The following SLC7A6 variants were observed in gnomAD, a reference collection of about 807,000 sequenced individuals.
SLC7A6 encodes the protein solute carrier family 7 member 6.
A neutral mutation model predicts 46.6 loss-of-function variants in SLC7A6; 29 were observed. The ratio of observed to expected loss-of-function variants is 0.62; its 90% CI spans 0.46 to 0.85. The LOEUF is 0.85. Among genes scored for constraint, SLC7A6 ranks in the 40% least tolerant of loss-of-function variants. SLC7A6 has a pLI of 0.00. For missense variants in SLC7A6, 527 were observed against 647.6 expected (o/e 0.81, Z 2.02); for synonymous variants, 276 against 257.3 (o/e 1.07, Z -0.70).
Position 68,290,420 on chromosome 16 carries a change from C to G in SLC7A6, c.674C>G (p.Ala225Gly). ...CQGHSEHFQD[A>G]FEGSSWDMGN... ...GGACACTCTGAGCACTTTCAGGACG[C>G]CTTTGAGGGTTCCTCCTGGGACATG... Residue 225 changes from alanine to glycine, a missense_variant, in exon 5 of 11, where the codon GCC becomes GGC. Physicochemically the swap from Ala to Gly is moderately conservative, Grantham distance 60. Transcript: ENST00000219343. The G allele has an allele frequency of 6.2e-7, 1 of 1,614,154 alleles. No homozygotes were observed. Among genetic ancestry groups the G allele is most frequent in the Non-Finnish European group, 8.5e-7 (1 of 1,180,030 alleles).
Position 68,301,489 on chromosome 16 carries a change from T to C in SLC7A6, c.*4161T>C, listed in dbSNP as rs11350. On this transcript the variant is annotated 3_prime_UTR_variant, in exon 11 of 11. Transcript: ENST00000219343. ...CCCCTTCTCTTCTCAGAAAGGTCTG[T>C]TTTTGTTCCCGATTGTAATGCAAAA... 0.12 allele frequency: 151,636 copies of C among 1,238,718 alleles called. 9,959 individuals carry two copies. Among genetic ancestry groups the C allele is most frequent in the African/African-American group, 0.18 (12,003 of 65,878 alleles). The allele number at this position is 1,238,718 out of a possible 1,614,324, so 76.7% of individuals were successfully genotyped here. A position where few individuals can be genotyped will look rare whatever the true frequency, so the allele number is the denominator to read the frequency against.
chr16:68,284,777 T>C, intron 3 of SLC7A6: 3 of 283,890 alleles, frequency 1.1e-5, no homozygotes, highest in Non-Finnish European at 1.6e-5. Context: ...CCTTTTTGTG[T>C]TTCTCTCCTT....
intron 2 of SLC7A6, among the ~76,000 whole-genome samples, chr16:68,272,330 C>T (rs761767610): frequency 2.0e-5 from 3 of 151,928 alleles, no homozygotes; most frequent in South Asian, 2.1e-4. Context: ...CTCATGAGGC[C>T]GAGATAGAGG....
At chr16:68,269,189 A>T (rs1361173835) in intron 2 of SLC7A6, among the ~76,000 whole-genome samples, 3 of 152,128 alleles carry the variant, frequency 2.0e-5, no homozygotes, top group Non-Finnish European at 2.9e-5. Context: ...TAGAACCTTA[A>T]ATGTATCAAA....
At chr16:68,286,992 C>CT (rs202243477) in intron 3 of SLC7A6, among the ~76,000 whole-genome samples, 12,898 of 138,164 alleles carry the variant, frequency 0.093, 742 homozygotes, top group South Asian at 0.25. Context: ...TCTTTTTCTC[C>CT]TTTTTTTTTT....
Position 68,298,335 on chromosome 16 carries a change from C to G in SLC7A6, c.*1007C>G, listed in dbSNP as rs906157639. ...CAGCTGTCAATGGCTTGGAGAACAT[C>G]TCATGGGCCCAAGTCATCAAATAAC... On this transcript the variant is annotated 3_prime_UTR_variant, in exon 11 of 11. Coordinates refer to ENST00000219343, the MANE Select transcript of SLC7A6 (RefSeq NM_003983.6). 17 of 152,646 alleles carry G rather than the reference C, an allele frequency of 1.1e-4. No homozygotes were observed. 9.5% of individuals were successfully genotyped at this position (152,646 alleles called of 1,614,324 possible). A position where few individuals can be genotyped will look rare whatever the true frequency, so the allele number is the denominator to read the frequency against.
At chr16:68,291,022 T>C (rs144934246) in intron 5 of SLC7A6, 187 bp from the exon 6 acceptor site, 5 of 662,968 alleles carry the variant, frequency 7.5e-6, no homozygotes, top group Middle Eastern at 6.5e-4. Flanking sequence ...TCATGAGCTA[T>C]CTTCACAGAG....
In SLC7A6 at chr16:68,288,856, TA is replaced by T. The variant is rs1481272831; in HGVS notation, c.649+986del. Among the ~76,000 whole-genome samples the T allele has an allele frequency of 2.0e-5, 3 of 147,968 alleles. No homozygotes were observed. In the East Asian group the frequency reaches 5.9e-4, roughly 29 times the overall value. On this transcript the variant is annotated intron_variant, in intron 4 of 10. Transcript: ENST00000219343. ...GTGCGCGCCTGTAATCCCAGCTACT[TA>T]GGAGGCTGAGGCAGGAGAATGGCTT...
chr16:68,284,859 C>CTTTTTTTTTTTTTTTTTT (rs71384525), intron 3 of SLC7A6, among the ~76,000 whole-genome samples: 1 of 95,646 alleles, frequency 1.0e-5, no homozygotes. Flanking sequence ...ATTTTCTCGT[C>CTTTTTTTTTTTTTTTTTT]TTTTTTTTTT....
Position 68,290,559 on chromosome 16 carries a change from TCTCA to T in SLC7A6, c.794+23_794+26del, listed in dbSNP as rs779351964. 8.7e-5 allele frequency: 141 copies of T among 1,613,780 alleles called. No individual in the cohort carries two copies. The highest frequency in any genetic ancestry group is 1.1e-4 in the Non-Finnish European group (134 of 1,179,998). On this transcript the variant is annotated intron_variant, in intron 5 of 10. Coordinates refer to ENST00000219343, the MANE Select transcript of SLC7A6 (RefSeq NM_003983.6). The stretch of plus-strand genomic sequence containing the variant: ...CAGAAAGGTAAAGATGGGATCACAC[TCTCA>T]CTCCCCAGCTTGGCTGGAACTCCTG...
At position 68,298,308 on chromosome 16, in the gene SLC7A6, C is replaced by T. The variant is rs1315839173; in HGVS notation, c.*980C>T. 2.0e-5 allele frequency: 3 copies of T among 152,628 alleles called. No homozygotes were observed. Among genetic ancestry groups the T allele is most frequent in the Non-Finnish European group, 4.4e-5 (3 of 68,042 alleles). 9.5% of individuals were successfully genotyped at this position (152,628 alleles called of 1,614,324 possible). On this transcript the variant is annotated 3_prime_UTR_variant, in exon 11 of 11. Transcript: ENST00000219343. Reference sequence around the variant, plus strand: ...TATTCAGGTGGATCACCTGAATTCTCTCAGCTGTCAATGGCTTGGAGAACA... The same window carrying T: ...TATTCAGGTGGATCACCTGAATTCTTTCAGCTGTCAATGGCTTGGAGAACA...
At chr16:68,293,042 T>C (rs2043089556) in intron 7 of SLC7A6, among the ~76,000 whole-genome samples, 1 of 152,260 alleles carries the variant, frequency 6.6e-6, no homozygotes, top group African/African-American at 2.4e-5. Context: ...TCATTCTTTT[T>C]ACTGGTTTTC....
intron 10 of SLC7A6, 43 bp from the exon 11 acceptor site, chr16:68,297,191 C>A: frequency 6.3e-7 from 1 of 1,582,370 alleles, no homozygotes. Flanking sequence ...AGGGCTGTAG[C>A]TAGATGTTTA....
chr16:68,278,535 A>G lies in SLC7A6; in HGVS notation c.523+3286A>G, dbSNP rs562127246. Among the ~76,000 whole-genome samples, 767 of 151,116 alleles carry G rather than the reference A, an allele frequency of 5.1e-3. 8 individuals carry two copies. The highest frequency in any genetic ancestry group is 0.017 in the African/African-American group (706 of 41,084). On this transcript the variant is annotated intron_variant, in intron 3 of 10. Coordinates refer to ENST00000219343, the MANE Select transcript of SLC7A6 (RefSeq NM_003983.6). Reference sequence around the variant, plus strand: ...GACTCTTAACGAGCATGCTGCCTTCAAGCATCTGTTTAACAAAGCACATCT... The same window carrying G: ...GACTCTTAACGAGCATGCTGCCTTCGAGCATCTGTTTAACAAAGCACATCT...
At chr16:68,289,136 A>G (rs1277959587) in intron 4 of SLC7A6, among the ~76,000 whole-genome samples, 2 of 151,474 alleles carry the variant, frequency 1.3e-5, no homozygotes, top group African/African-American at 4.9e-5. Flanking sequence ...TACTAAAAAT[A>G]CAAAAAATTA....
Position 68,290,548 on chromosome 16 carries a change from T to C in SLC7A6, c.794+8T>C, listed in dbSNP as rs774790488. ...AATCAAAAACCCAGAAAGGTAAAGATGGGATCACACTCTCACTCCCCAGCT... is the reference window on the plus strand; with the variant it reads ...AATCAAAAACCCAGAAAGGTAAAGACGGGATCACACTCTCACTCCCCAGCT... On this transcript the variant is annotated splice_region_variant and intron_variant, in intron 5 of 10. Transcript: ENST00000219343. The C allele has an allele frequency of 2.5e-6, 4 of 1,614,084 alleles. No individual in the cohort carries two copies. The highest frequency in any genetic ancestry group is 1.7e-5 in the Admixed American group (1 of 60,016).
At chr16:68,288,283 G>C (rs1000397244) in intron 4 of SLC7A6, among the ~76,000 whole-genome samples, 1 of 152,184 alleles carries the variant, frequency 6.6e-6, no homozygotes, top group Non-Finnish European at 1.5e-5. Flanking sequence ...AGCTGGAAGT[G>C]GGGTATGGAA....
At chr16:68,266,297 C>A (rs990020071) in intron 1 of SLC7A6, among the ~76,000 whole-genome samples, 1 of 152,016 alleles carries the variant, frequency 6.6e-6, no homozygotes, top group South Asian at 2.1e-4. Context: ...ACGGTGCCCA[C>A]GGGACCTGGG....
chr16:68,286,170 A>T (rs2042928362), intron 3 of SLC7A6, among the ~76,000 whole-genome samples: 1 of 151,670 alleles, frequency 6.6e-6, no homozygotes, highest in Admixed American at 6.6e-5. Flanking sequence ...AGAATTTGTG[A>T]TCTTGGGAGA....
Sources: allele counts gnomAD v4.1 joint callset (sites outside exome capture counted in the v4.1 genomes callset), GRCh38; gene constraint gnomAD v4.1.1; transcripts MANE v1.5; gene names NCBI Gene and HGNC (gene_info 2026-07-23, HGNC 2026-07-21).